Variants in RGS7 observed in about 807,000 individuals in gnomAD.
RGS7 encodes the protein regulator of G protein signaling 7.
A neutral mutation model predicts 81.1 loss-of-function variants in RGS7; 27 were observed. The ratio of observed to expected loss-of-function variants is 0.33; its 90% confidence interval spans 0.25 to 0.46. RGS7 has a LOEUF of 0.46. Ranked by LOEUF, RGS7 falls within the 20% of genes least tolerant of loss-of-function variation. The pLI is 1.00. For synonymous variants in RGS7, 208 were observed against 207.7 expected (o/e 1.00, Z -0.01); for missense variants, 396 against 607.4 (o/e 0.65, Z 3.66).
intron 3 of RGS7, among the ~76,000 whole-genome samples, chr1:241,026,750 G>T (rs1250364956): frequency 2.0e-5 from 3 of 152,040 alleles, no homozygotes; most frequent in Non-Finnish European, 4.4e-5. Flanking sequence ...AATCATTCTA[G>T]ATATTGTTAA....
At chr1:241,042,467 T>A (rs1188035820) in intron 3 of RGS7, among the ~76,000 whole-genome samples, 1 of 152,232 alleles carries the variant, frequency 6.6e-6, no homozygotes, top group East Asian at 1.9e-4. Context: ...GTCTCTTTTT[T>A]ATTTTACTAG....
At chr1:241,141,915 G>C (rs1179928436) in intron 2 of RGS7, among the ~76,000 whole-genome samples, 1 of 152,158 alleles carries the variant, frequency 6.6e-6, no homozygotes, top group Admixed American at 6.5e-5. Flanking sequence ...ATCAAAAGCA[G>C]GTTAGTTACT....
At position 240,814,872 on chromosome 1, in the gene RGS7, G is replaced by A. The variant is rs914496023; in HGVS notation, c.784-95C>T. ...ATCAGCTGGGCAATTCTGAACAAGA[G>A]TATAGTCTACGTCAGTACAATTTCA... On this transcript the variant is annotated intron_variant, in intron 11 of 18. Transcript: ENST00000440928. 5 of 820,998 alleles carry A rather than the reference G, an allele frequency of 6.1e-6. No homozygotes were observed. The Admixed American group carries it at 6.8e-5, about 11-fold the overall frequency. The allele number at this position is 820,998 out of a possible 1,614,324, so 50.9% of individuals were successfully genotyped here. A position where few individuals can be genotyped will look rare whatever the true frequency, so the allele number is the denominator to read the frequency against.
intron 2 of RGS7, among the ~76,000 whole-genome samples, chr1:241,189,862 TC>T (rs1000095359): frequency 2.6e-5 from 4 of 152,132 alleles, no homozygotes; most frequent in African/African-American, 9.7e-5. Flanking sequence ...ACGTCTGTAA[TC>T]CCAGCACTTT....
At chr1:241,115,653 C>T (rs1182626574) in intron 2 of RGS7, among the ~76,000 whole-genome samples, 3 of 152,222 alleles carry the variant, frequency 2.0e-5, no homozygotes, top group South Asian at 4.2e-4. Context: ...TTTTGGGATC[C>T]GTTTCCCTTG....
At chr1:241,142,389 G>A (rs571741414) in intron 2 of RGS7, among the ~76,000 whole-genome samples, 14 of 152,316 alleles carry the variant, frequency 9.2e-5, no homozygotes, top group East Asian at 5.8e-4. Context: ...CCCTGCCCCT[G>A]TAGCAGACTT....
intron 2 of RGS7, among the ~76,000 whole-genome samples, chr1:241,260,813 C>A (rs770197449): frequency 1.3e-5 from 2 of 150,930 alleles, no homozygotes; most frequent in Non-Finnish European, 2.9e-5. Context: ...TGGGAAGGTG[C>A]TAGCAGATAT....
intron 3 of RGS7, among the ~76,000 whole-genome samples, chr1:240,998,994 G>A (rs546074979): frequency 1.1e-4 from 16 of 152,066 alleles, no homozygotes; most frequent in African/African-American, 3.9e-4. Context: ...GCTCCTTTTT[G>A]TCAGTCTGTT....
intron 2 of RGS7, among the ~76,000 whole-genome samples, chr1:241,331,806 C>A (rs905689815): frequency 6.6e-6 from 1 of 151,986 alleles, no homozygotes; most frequent in South Asian, 2.1e-4. Flanking sequence ...GTTAGGGAGG[C>A]GTAAGGTGAT....
chr1:241,064,203 A>C (rs913519235), intron 3 of RGS7, among the ~76,000 whole-genome samples: 3 of 151,552 alleles, frequency 2.0e-5, no homozygotes, highest in Non-Finnish European at 4.4e-5. Flanking sequence ...AAAAAAAAAA[A>C]AATCAAATAA....
At chr1:241,258,398 C>T (rs566704562) in intron 2 of RGS7, among the ~76,000 whole-genome samples, 1 of 152,262 alleles carries the variant, frequency 6.6e-6, no homozygotes, top group South Asian at 2.1e-4. Flanking sequence ...ATTGGCAGAA[C>T]TTATTGAATC....
At chr1:241,019,718 T>C (rs2059446466) in intron 3 of RGS7, among the ~76,000 whole-genome samples, 1 of 152,242 alleles carries the variant, frequency 6.6e-6, no homozygotes, top group Non-Finnish European at 1.5e-5. Context: ...TACTATTCTA[T>C]GGTATATATG....
At chr1:241,234,467 TTTTC>T (rs1418745798) in intron 2 of RGS7, among the ~76,000 whole-genome samples, 1 of 151,496 alleles carries the variant, frequency 6.6e-6, no homozygotes, top group African/African-American at 2.4e-5. Flanking sequence ...CATATCTTGT[TTTTC>T]TTTTTCTTTT....
At chr1:241,343,426 C>T (rs1044175788) in intron 2 of RGS7, among the ~76,000 whole-genome samples, 1 of 152,094 alleles carries the variant, frequency 6.6e-6, no homozygotes, top group Admixed American at 6.5e-5. Flanking sequence ...AACCCAACTG[C>T]CCATTGTTAA....
intron 3 of RGS7, among the ~76,000 whole-genome samples, chr1:241,092,202 T>C (rs1434584509): frequency 1.3e-5 from 2 of 152,220 alleles, no homozygotes; most frequent in Admixed American, 6.5e-5. Context: ...TCAGTTTTAA[T>C]TCACTCAAAT....
intron 2 of RGS7, among the ~76,000 whole-genome samples, chr1:241,247,915 G>A (rs2148189846): frequency 6.6e-6 from 1 of 152,310 alleles, no homozygotes; most frequent in Non-Finnish European, 1.5e-5. Context: ...GTAATTGGAT[G>A]ATGTAAATAA....
intron 3 of RGS7, among the ~76,000 whole-genome samples, chr1:241,010,893 G>A (rs770870573): frequency 2.6e-5 from 4 of 152,032 alleles, no homozygotes; most frequent in African/African-American, 9.7e-5. Flanking sequence ...ACCATTTTTC[G>A]TCCCACATGG....
At chr1:241,318,571 C>T (rs2081024656) in intron 2 of RGS7, among the ~76,000 whole-genome samples, 1 of 152,130 alleles carries the variant, frequency 6.6e-6, no homozygotes, top group Non-Finnish European at 1.5e-5. Context: ...ATTCTCCCGC[C>T]TCAGCCTCCC....
chr1:240,947,961 C>G (rs1246772966), intron 4 of RGS7, among the ~76,000 whole-genome samples: 1 of 152,148 alleles, frequency 6.6e-6, no homozygotes, highest in African/African-American at 2.4e-5. Flanking sequence ...AGGCCTTAGG[C>G]TTTGCTAGGC....
Sources: allele counts gnomAD v4.1 joint callset (sites outside exome capture counted in the v4.1 genomes callset), GRCh38; gene constraint gnomAD v4.1.1; transcripts MANE v1.5; gene names NCBI Gene and HGNC (gene_info 2026-07-23, HGNC 2026-07-21).